The following TMEM181 variants were observed in gnomAD, a reference collection of about 807,000 sequenced individuals.
TMEM181 encodes G protein-coupled receptor 178.
TMEM181 carries 39 observed loss-of-function variants against 71.9 expected under a neutral mutation model. The observed-to-expected ratio is 0.54, with a 90% CI of 0.42 to 0.71. TMEM181 has a LOEUF of 0.71. TMEM181 is among the 30% of genes least tolerant of loss of function. TMEM181 has a pLI of 0.00. For missense variants in TMEM181, 595 were observed against 583.0 expected, an observed-to-expected ratio of 1.02 and a Z score of -0.21; for synonymous variants, 245 against 228.8, an observed-to-expected ratio of 1.07 and a Z score of -0.64.
At chr6:158,579,208 G>A (rs192175269) in intron 2 of TMEM181, among the ~76,000 whole-genome samples, 493 of 150,864 alleles carry the variant, frequency 3.3e-3, no homozygotes, top group African/African-American at 0.011. Context: ...GCAGTGAGCC[G>A]AGATCACGCT....
In TMEM181 at chr6:158,605,323, T is replaced by C. The variant is rs748287826; in HGVS notation, c.549T>C (p.Phe183=). Residue 183 remains phenylalanine, a synonymous_variant, in exon 7 of 17, where the codon TTT becomes TTC. Coordinates refer to ENST00000684151, the MANE Select transcript of TMEM181 (RefSeq NM_001376852.1). ...TGGAAATCTGGTTCCGGTTTTTCTT[T>C]GTGGTGCTCACCTTCATCGTCACTG... ...SRLEIWFRFF[F]VVLTFIVTCL... is the part of the protein sequence containing the mutation. 1 of 1,614,146 alleles carries C rather than the reference T, an allele frequency of 6.2e-7. No individual in the cohort carries two copies. The highest frequency in any genetic ancestry group is 1.1e-5 in the South Asian group (1 of 91,084).
chr6:158,587,338 C>T (rs191885949), intron 5 of TMEM181, among the ~76,000 whole-genome samples: 55 of 152,258 alleles, frequency 3.6e-4, no homozygotes, highest in Admixed American at 9.1e-4. Flanking sequence ...TTCCCGCTTC[C>T]GTTGTTGGCC....
At chr6:158,575,360 T>C (rs1263733782) in intron 2 of TMEM181, among the ~76,000 whole-genome samples, 2 of 151,770 alleles carry the variant, frequency 1.3e-5, no homozygotes, top group Non-Finnish European at 2.9e-5. Flanking sequence ...GATTCTTCTT[T>C]TTTTTTTGCC....
At chr6:158,565,139 G>A (rs1184877095) in intron 1 of TMEM181, among the ~76,000 whole-genome samples, 3 of 152,216 alleles carry the variant, frequency 2.0e-5, no homozygotes, top group Non-Finnish European at 4.4e-5. Flanking sequence ...TCTCGCTGCA[G>A]GACAGCAATT....
intron 1 of TMEM181, among the ~76,000 whole-genome samples, chr6:158,571,505 G>A (rs62437805): frequency 0.01 from 875 of 84,984 alleles, 115 homozygotes; most frequent in East Asian, 0.017. Flanking sequence ...TCATCGTGTT[G>A]GCCAGGATGG....
Position 158,623,472 on chromosome 6 carries a change from A to T in TMEM181, c.897-78A>T, listed in dbSNP as rs562248855. ...TTATATTAATAAGTAAAAAAAACAA[A>T]AAGTCAATAAGAAAAAATGTAAAAT... On this transcript the variant is annotated intron_variant, in intron 10 of 16. Transcript: ENST00000684151. 3 of 1,064,126 alleles carry T rather than the reference A, an allele frequency of 2.8e-6. No individual in the cohort carries two copies. In the African/African-American group the frequency reaches 4.9e-5, roughly 17 times the overall value. The allele number at this position is 1,064,126 out of a possible 1,614,324, so 65.9% of individuals were successfully genotyped here.
intron 1 of TMEM181, among the ~76,000 whole-genome samples, chr6:158,567,416 C>T (rs1186719403): frequency 1.3e-5 from 2 of 152,232 alleles, no homozygotes; most frequent in East Asian, 1.9e-4. Flanking sequence ...ATTTTGTATG[C>T]CTCCCACGTG....
At chr6:158,580,394 G>A (rs1783406225) in intron 2 of TMEM181, among the ~76,000 whole-genome samples, 1 of 152,110 alleles carries the variant, frequency 6.6e-6, no homozygotes, top group African/African-American at 2.4e-5. Context: ...CAAATCTTAT[G>A]TATATTTTGT....
chr6:158,538,963 C>T (rs1781239258), intron 1 of TMEM181, among the ~76,000 whole-genome samples: 1 of 152,206 alleles, frequency 6.6e-6, no homozygotes, highest in African/African-American at 2.4e-5. Flanking sequence ...CTGGGCCAGG[C>T]CCTGAAGAGC....
upstream of TMEM181, among the ~76,000 whole-genome samples, chr6:158,556,209 CAA>C (rs994348362): frequency 6.6e-6 from 1 of 152,112 alleles, no homozygotes; most frequent in Non-Finnish European, 1.5e-5. Context: ...AAGCTGCTAC[CAA>C]AAAGAGGGAG....
chr6:158,607,174 A>G, intron 7 of TMEM181, 70 bp from the exon 8 acceptor site: 1 of 1,272,016 alleles, frequency 7.9e-7, no homozygotes. Context: ...GTATGCCGGC[A>G]AGGTGTGAGC....
chr6:158,592,442 C>T (rs573997105), intron 6 of TMEM181, among the ~76,000 whole-genome samples: 2 of 151,238 alleles, frequency 1.3e-5, no homozygotes, highest in Non-Finnish European at 2.9e-5. Flanking sequence ...CCCAGGAGTT[C>T]GAGACCAGCC....
At chr6:158,604,840 TG>T (rs1424915289) in intron 6 of TMEM181, among the ~76,000 whole-genome samples, 1 of 152,222 alleles carries the variant, frequency 6.6e-6, no homozygotes, top group Non-Finnish European at 1.5e-5. Context: ...GATTTATCCA[TG>T]TAACAACATT....
intron 2 of TMEM181, among the ~76,000 whole-genome samples, chr6:158,576,646 G>C (rs1349418517): frequency 6.6e-6 from 1 of 152,054 alleles, no homozygotes; most frequent in Non-Finnish European, 1.5e-5. Context: ...CCTTTGCACA[G>C]AGACAGTCTA....
intron 2 of TMEM181, among the ~76,000 whole-genome samples, chr6:158,578,071 CAA>C (rs112867308): frequency 3.1e-4 from 47 of 152,098 alleles, no homozygotes; most frequent in South Asian, 1.5e-3. Flanking sequence ...GCCTGGGCAA[CAA>C]GAGCGAAACT....
At chr6:158,616,435 G>A (rs1785618300) in intron 10 of TMEM181, among the ~76,000 whole-genome samples, 1 of 152,284 alleles carries the variant, frequency 6.6e-6, no homozygotes, top group African/African-American at 2.4e-5. Context: ...TGCAAACAGG[G>A]ACAATTTGAC....
intron 1 of TMEM181, among the ~76,000 whole-genome samples, chr6:158,553,386 A>G (rs866547963): frequency 5.3e-5 from 8 of 152,366 alleles, no homozygotes; most frequent in African/African-American, 1.9e-4. Context: ...TATTAGACAA[A>G]GCTAGTCATC....
At chr6:158,558,912 A>G (rs1195313778), upstream of TMEM181, among the ~76,000 whole-genome samples, 1 of 152,150 alleles carries the variant, frequency 6.6e-6, no homozygotes, top group Non-Finnish European at 1.5e-5. Context: ...CTGTCCCTGC[A>G]GGTACCCAGT....
chr6:158,575,690 G>A (rs1031269243), intron 2 of TMEM181, among the ~76,000 whole-genome samples: 2 of 152,158 alleles, frequency 1.3e-5, no homozygotes, highest in African/African-American at 2.4e-5. Context: ...CCTGGGTTAG[G>A]TGTTCACTCA....
Sources: gnomAD v4.1 joint callset for allele counts (sites outside exome capture counted in the v4.1 genomes callset) on GRCh38, gnomAD v4.1.1 for gene constraint, MANE v1.5 for transcripts, NCBI Gene and HGNC (gene_info 2026-07-23, HGNC 2026-07-21) for gene names.